The following POC1B variants were observed in gnomAD, a reference collection of about 807,000 sequenced individuals.
POC1B encodes the protein POC1 centriolar protein B.
A neutral mutation model predicts 60.6 loss-of-function variants in POC1B; 44 were observed. The observed-to-expected ratio is 0.73, with a 90% confidence interval of 0.57 to 0.93. POC1B has a LOEUF of 0.93. Ranked by LOEUF, POC1B falls within the 40% of genes least tolerant of loss-of-function variation. The pLI is 0.00. For missense variants in POC1B, 555 were observed against 572.3 expected (o/e 0.97, Z 0.31); for synonymous variants, 180 against 198.9 (o/e 0.90, Z 0.80).
chr12:89,515,091 C>T (rs1442617274), intron 2 of POC1B, among the ~76,000 whole-genome samples: 1 of 152,088 alleles, frequency 6.6e-6, no homozygotes, highest in Non-Finnish European at 1.5e-5. Context: ...TTCTCTTTCA[C>T]ATGTCAGCTA....
At chr12:89,448,467 T>A (rs1881883905) in intron 10 of POC1B, among the ~76,000 whole-genome samples, 1 of 152,164 alleles carries the variant, frequency 6.6e-6, no homozygotes, top group African/African-American at 2.4e-5. Flanking sequence ...TCAAAGGAAA[T>A]TTCTGCATAC....
chr12:89,443,085 G>A (rs1414331512), intron 10 of POC1B, among the ~76,000 whole-genome samples: 1 of 152,180 alleles, frequency 6.6e-6, no homozygotes, highest in Non-Finnish European at 1.5e-5. Flanking sequence ...CAATGCAGGA[G>A]CACCCAGATT....
chr12:89,455,044 C>T (rs1024283023), intron 10 of POC1B, among the ~76,000 whole-genome samples: 2 of 151,972 alleles, frequency 1.3e-5, no homozygotes, highest in Non-Finnish European at 1.5e-5. Context: ...ACTTATACCT[C>T]GCTTTCCCTC....
Position 89,497,173 on chromosome 12 carries a change from A to T in POC1B, c.270T>A (p.Asp90Glu). The change falls in exon 3 of 12, where the codon GAT becomes GAA. Residue 90 changes from aspartate to glutamate, a missense_variant and splice_region_variant. Asp to Glu is a conservative substitution (Grantham distance 45, BLOSUM62 2). Coordinates refer to ENST00000313546, the MANE Select transcript of POC1B (RefSeq NM_172240.3). ...AAGTGTTTCTTTGTTTCTCTTACTT[A>T]TCAGGAATCCAGAGTCTCACGGTTC... ...RDRTVRLWIPDKRGKFSEFKA... is the reference protein window; with the variant it reads ...RDRTVRLWIPEKRGKFSEFKA... 1.2e-6 allele frequency: 2 copies of T among 1,611,564 alleles called. No individual in the cohort carries two copies. Among genetic ancestry groups the T allele is most frequent in the Non-Finnish European group, 1.7e-6 (2 of 1,179,050 alleles).
At chr12:89,404,243 T>C in the POC1B span, among the ~76,000 whole-genome samples, 1 of 152,108 alleles carries the variant, frequency 6.6e-6, no homozygotes, top group Non-Finnish European at 1.5e-5. Flanking sequence ...GTCTGCTGTG[T>C]CCACCATTCC....
chr12:89,408,723 G>A, the POC1B span, among the ~76,000 whole-genome samples: 1,970 of 152,170 alleles, frequency 0.013, 137 homozygotes, highest in East Asian at 0.19. Context: ...TCCTGACCTC[G>A]TAATCTGCCT....
chr12:89,507,496 G>A (rs760841088), intron 2 of POC1B, among the ~76,000 whole-genome samples: 7 of 152,100 alleles, frequency 4.6e-5, no homozygotes, highest in Non-Finnish European at 8.8e-5. Context: ...AATTTAAAAT[G>A]TCAAAGCTTG....
chr12:89,445,300 ACAATC>A (rs1881727995), intron 10 of POC1B, among the ~76,000 whole-genome samples: 1 of 152,148 alleles, frequency 6.6e-6, no homozygotes, highest in Non-Finnish European at 1.5e-5. Context: ...TATTGCCAAG[ACAATC>A]CTAAGCCAAA....
chr12:89,437,378 G>A (rs979807012), intron 10 of POC1B, among the ~76,000 whole-genome samples: 2 of 151,868 alleles, frequency 1.3e-5, no homozygotes, highest in Non-Finnish European at 2.9e-5. Context: ...ATCTTTTCTT[G>A]TTCCTCAAAC....
At position 89,459,579 on chromosome 12, in the gene POC1B, T is replaced by G. The variant is rs77307341; in HGVS notation, c.1113+59A>C. The G allele has an allele frequency of 1.2e-4, 118 of 989,092 alleles. 2 individuals are homozygous for G. In the East Asian group the frequency reaches 3.0e-3, roughly 25 times the overall value. 61.3% of individuals were successfully genotyped at this position (989,092 alleles called of 1,614,324 possible). ...CAACATTTTTTAAAGGAAAATGGAT[T>G]ATGCCAAATGATTAAATGCCACTTA... On this transcript the variant is annotated intron_variant, in intron 10 of 11. Coordinates refer to ENST00000313546, the MANE Select transcript of POC1B (RefSeq NM_172240.3).
intron 4 of POC1B, among the ~76,000 whole-genome samples, chr12:89,480,882 G>A (rs1883308244): frequency 6.6e-6 from 1 of 152,166 alleles, no homozygotes; most frequent in Admixed American, 6.5e-5. Context: ...TTACAGGCAT[G>A]AGCCACCACG....
chr12:89,486,100 C>T (rs1868620602), intron 4 of POC1B, among the ~76,000 whole-genome samples: 1 of 152,190 alleles, frequency 6.6e-6, no homozygotes, highest in Non-Finnish European at 1.5e-5. Flanking sequence ...GTACTTATCA[C>T]TAATATATTT....
At chr12:89,502,456 G>T in intron 2 of POC1B, 1 of 1,221,490 alleles carries the variant, frequency 8.2e-7, no homozygotes, top group South Asian at 1.3e-5. Flanking sequence ...TAAAAGGAAG[G>T]CAAGAGAAAA....
chr12:89,471,768 C>CTT lies in POC1B; in HGVS notation c.561-41_561-40dup, dbSNP rs776025659. The CTT allele has an allele frequency of 0.022, 17,673 of 809,980 alleles. 29 individuals carry two copies. The highest frequency in any genetic ancestry group is 0.037 in the South Asian group (1,896 of 50,934). The allele number at this position is 809,980 out of a possible 1,614,324, so 50.2% of individuals were successfully genotyped here. A position where few individuals can be genotyped will look rare whatever the true frequency, so the allele number is the denominator to read the frequency against. On this transcript the variant is annotated intron_variant, in intron 5 of 11. Coordinates refer to ENST00000313546, the MANE Select transcript of POC1B (RefSeq NM_172240.3). ...ATAAGATGACCTAATATTTCAATTT[C>CTT]TTTTTTTTTTTTTTTTGAGACGGAA...
intron 10 of POC1B, among the ~76,000 whole-genome samples, chr12:89,436,408 A>C (rs965375265): frequency 6.6e-6 from 1 of 152,202 alleles, no homozygotes; most frequent in African/African-American, 2.4e-5. Context: ...CCAAATAACC[A>C]GCATGATTCA....
chr12:89,475,515 C>A (rs1023633333), intron 4 of POC1B, among the ~76,000 whole-genome samples: 3 of 152,020 alleles, frequency 2.0e-5, no homozygotes, highest in African/African-American at 7.3e-5. Flanking sequence ...ATTTCTATTT[C>A]CTCCTCCTCC....
chr12:89,509,238 C>T (rs1870054687), intron 2 of POC1B, among the ~76,000 whole-genome samples: 2 of 152,152 alleles, frequency 1.3e-5, no homozygotes, highest in African/African-American at 4.8e-5. Context: ...TTATTTAATT[C>T]AACAGGTTAT....
chr12:89,522,222 A>AAACTCACAT lies in POC1B; in HGVS notation c.100+2897_100+2898insATGTGAGTT, dbSNP rs565605848. 33 of 398,590 alleles carry AAACTCACAT rather than the reference A, an allele frequency of 8.3e-5. No individual in the cohort carries two copies. In the South Asian group the frequency reaches 2.7e-3, roughly 32 times the overall value. 24.7% of individuals were successfully genotyped at this position (398,590 alleles called of 1,614,324 possible). A position where few individuals can be genotyped will look rare whatever the true frequency, so the allele number is the denominator to read the frequency against. ...ATGTCTGCATGTTAAAAAGGCCTCCAAACTCACACTCAAACAAATGCCCTC... is the reference window on the plus strand; with the variant it reads ...ATGTCTGCATGTTAAAAAGGCCTCCAAACTCACATAACTCACACTCAAACAAATGCCCTC... On this transcript the variant is annotated intron_variant, in intron 2 of 11. Coordinates refer to ENST00000313546, the MANE Select transcript of POC1B (RefSeq NM_172240.3).
chr12:89,522,055 C>T (rs1174946645), intron 2 of POC1B: 6 of 399,006 alleles, frequency 1.5e-5, no homozygotes, highest in African/African-American at 8.2e-5. Flanking sequence ...AAATGCCCTA[C>T]ACACACAAAC....
Sources: gnomAD v4.1 joint callset for allele counts (sites outside exome capture counted in the v4.1 genomes callset) on GRCh38, gnomAD v4.1.1 for gene constraint, MANE v1.5 for transcripts, NCBI Gene and HGNC (gene_info 2026-07-23, HGNC 2026-07-21) for gene names.